Variants in RASA1 observed in about 807,000 individuals in gnomAD.
RASA1 encodes the protein ras GTPase-activating protein 1.
In RASA1, 25 loss-of-function variants were observed where a neutral mutation model predicts 132.2. That is an observed-to-expected ratio of 0.19 (90% CI 0.14 to 0.26). The LOEUF is 0.26. RASA1 is among the 10% of genes least tolerant of loss of function. The pLI is 1.00. For missense variants in RASA1, 964 were observed against 1,299.2 expected, an observed-to-expected ratio of 0.74 and a Z score of 3.97; for synonymous variants, 477 against 449.9, an observed-to-expected ratio of 1.06 and a Z score of -0.76.
intron 1 of RASA1, chr5:87,294,135 C>G (rs1755019548): frequency 6.6e-6 from 1 of 151,766 alleles, no homozygotes; most frequent in African/African-American, 2.4e-5. Flanking sequence ...GCTTTTCTTT[C>G]TTGCTTTCTA....
intron 1 of RASA1, among the ~76,000 whole-genome samples, chr5:87,313,686 A>G (rs956308072): frequency 6.6e-6 from 1 of 152,202 alleles, no homozygotes; most frequent in Admixed American, 6.5e-5. Flanking sequence ...TATATTACAG[A>G]TAAGATAAAA....
In RASA1 at chr5:87,335,516, C is replaced by T. The variant is rs184204569; in HGVS notation, c.899+2179C>T. On this transcript the variant is annotated intron_variant, in intron 4 of 24. Coordinates refer to ENST00000274376, the MANE Select transcript of RASA1 (RefSeq NM_002890.3). ...TCTTGGGTCACTGCAACCTCCGCCA[C>T]CTGGGTTCAAGCGATTCTCCTGCCT... Among the ~76,000 whole-genome samples, 742 of 150,178 alleles carry T rather than the reference C, an allele frequency of 4.9e-3. 4 individuals carry two copies. Among genetic ancestry groups the T allele is most frequent in the Admixed American group, 6.8e-3 (102 of 14,988 alleles).
At chr5:87,271,407 A>G (rs1232295849) in intron 1 of RASA1, among the ~76,000 whole-genome samples, 1 of 138,726 alleles carries the variant, frequency 7.2e-6, no homozygotes, top group Non-Finnish European at 1.5e-5. Context: ...TAAATTAGGT[A>G]TATTTAGGAT....
intron 5 of RASA1, among the ~76,000 whole-genome samples, chr5:87,339,429 A>G (rs960007174): frequency 1.2e-4 from 18 of 152,178 alleles, no homozygotes; most frequent in African/African-American, 3.6e-4. Context: ...GCATCTTACT[A>G]TGATAGTTTT....
At chr5:87,338,235 T>G in intron 5 of RASA1, 144 bp downstream of exon 5, 1 of 1,311,514 alleles carries the variant, frequency 7.6e-7, no homozygotes, top group Non-Finnish European at 1.0e-6. Context: ...TAAGTGCTGT[T>G]TGTTAGTATG....
intron 12 of RASA1, among the ~76,000 whole-genome samples, chr5:87,370,409 G>A (rs1042986516): frequency 1.3e-4 from 20 of 152,228 alleles, no homozygotes; most frequent in East Asian, 5.8e-4. Flanking sequence ...TTCTTATAGC[G>A]TCTATTAAGT....
intron 8 of RASA1, among the ~76,000 whole-genome samples, chr5:87,350,434 A>G (rs1454547818): frequency 1.3e-5 from 2 of 151,872 alleles, no homozygotes; most frequent in Non-Finnish European, 2.9e-5. Context: ...CACTGAAAAT[A>G]TATCATCTTC....
intron 24 of RASA1, 52 bp downstream of exon 24, chr5:87,389,579 G>C (rs757723684): frequency 6.3e-6 from 10 of 1,598,974 alleles, no homozygotes; most frequent in East Asian, 4.5e-5. Flanking sequence ...ATAACACTTA[G>C]AGAGTTAATA....
chr5:87,341,346 T>TG (rs1491194952), intron 6 of RASA1, 25 bp downstream of exon 6: 2 of 1,234,186 alleles, frequency 1.6e-6, no homozygotes, highest in Non-Finnish European at 2.0e-6. Context: ...ATTATTAAAA[T>TG]GAAAAAAAAA....
intron 1 of RASA1, among the ~76,000 whole-genome samples, chr5:87,303,074 T>G (rs2112288369): frequency 6.6e-6 from 1 of 152,262 alleles, no homozygotes; most frequent in African/African-American, 2.4e-5. Context: ...GAGCTCATAT[T>G]TTTCATACAT....
At chr5:87,300,240 G>A (rs1175285772) in intron 1 of RASA1, among the ~76,000 whole-genome samples, 2 of 152,254 alleles carry the variant, frequency 1.3e-5, no homozygotes, top group East Asian at 3.9e-4. Flanking sequence ...GCAGGGCATG[G>A]TGGTAGCACA....
chr5:87,296,114 GC>G (rs1007759913), intron 1 of RASA1, among the ~76,000 whole-genome samples: 2 of 151,658 alleles, frequency 1.3e-5, no homozygotes, highest in Admixed American at 1.3e-4. Context: ...ACTACAACCA[GC>G]CTTTTTTTTT....
At chr5:87,276,122 G>A (rs79142773) in intron 1 of RASA1, among the ~76,000 whole-genome samples, 4 of 152,108 alleles carry the variant, frequency 2.6e-5, no homozygotes, top group East Asian at 3.9e-4. Context: ...CATGTAATAC[G>A]AGATAATAGA....
At chr5:87,340,113 G>T (rs1401242119) in intron 5 of RASA1, among the ~76,000 whole-genome samples, 2 of 152,076 alleles carry the variant, frequency 1.3e-5, no homozygotes, top group Non-Finnish European at 2.9e-5. Context: ...GAAAATGTTT[G>T]TTGAGTAAAT....
intron 11 of RASA1, among the ~76,000 whole-genome samples, chr5:87,364,894 G>C (rs1168481539): frequency 6.6e-6 from 1 of 152,140 alleles, no homozygotes; most frequent in Non-Finnish European, 1.5e-5. Context: ...AGAATGAGGA[G>C]ACCCTTTTGT....
At chr5:87,334,676 A>G (rs1017268479) in intron 4 of RASA1, among the ~76,000 whole-genome samples, 2 of 152,228 alleles carry the variant, frequency 1.3e-5, no homozygotes, top group African/African-American at 2.4e-5. Context: ...AGTGTACTGT[A>G]TTCTTCACTG....
At chr5:87,368,317 A>G (rs1471335617) in intron 11 of RASA1, among the ~76,000 whole-genome samples, 1 of 152,046 alleles carries the variant, frequency 6.6e-6, no homozygotes, top group Non-Finnish European at 1.5e-5. Context: ...TTTTTTAAAG[A>G]TACAGTTTCT....
chr5:87,285,908 C>T lies in RASA1; in HGVS notation c.539+16918C>T, dbSNP rs142002484. 2.7e-3 allele frequency among the ~76,000 whole-genome samples: 415 copies of T among 152,180 alleles called. 5 individuals carry two copies. Among genetic ancestry groups the T allele is most frequent in the East Asian group, 8.3e-3 (43 of 5,180 alleles). ...TGCTGGGATTACAGGTCTGAGCCAC[C>T]GTGCCCGGCCAGTCGGTCTCTTTTT... On this transcript the variant is annotated intron_variant, in intron 1 of 24. Transcript: ENST00000274376.
Position 87,362,426 on chromosome 5 carries a change from A to G in RASA1, c.1333-125A>G, listed in dbSNP as rs557633815. 7.3e-5 allele frequency: 63 copies of G among 867,646 alleles called. 1 individual carries two copies. The South Asian group carries it at 1.0e-3, about 14-fold the overall frequency. The allele number at this position is 867,646 out of a possible 1,614,324, so 53.7% of individuals were successfully genotyped here. On this transcript the variant is annotated intron_variant, in intron 9 of 24. Coordinates refer to ENST00000274376, the MANE Select transcript of RASA1 (RefSeq NM_002890.3). Reference sequence around the variant, plus strand: ...TTCTTTGGAAAGCAAAAGATCATTTATGTGTTATGTGTATCTAGATTTTAG... The same window carrying G: ...TTCTTTGGAAAGCAAAAGATCATTTGTGTGTTATGTGTATCTAGATTTTAG...
Sources: allele counts gnomAD v4.1 joint callset (sites outside exome capture counted in the v4.1 genomes callset), GRCh38; gene constraint gnomAD v4.1.1; transcripts MANE v1.5; gene names NCBI Gene and HGNC (gene_info 2026-07-23, HGNC 2026-07-21).